Variants in CSF2RA observed in about 807,000 individuals in gnomAD.
CSF2RA encodes the protein colony stimulating factor 2 receptor subunit alpha, also known as granulocyte-macrophage colony-stimulating factor receptor subunit alpha.
CSF2RA carries 42 observed loss-of-function variants against 51.6 expected under a neutral mutation model. The ratio of observed to expected loss-of-function variants is 0.81; its 90% CI spans 0.64 to 1.05. CSF2RA has a LOEUF of 1.05. CSF2RA is among the 50% of genes least tolerant of loss of function. The probability of loss-of-function intolerance (pLI) is 0.00; values close to 1 mark genes in which losing one functional copy is unlikely to be tolerated. For missense variants in CSF2RA, 530 were observed against 501.1 expected (o/e 1.06, Z -0.55); for synonymous variants, 222 against 193.0 (o/e 1.15, Z -1.24).
the CSF2RA span, among the ~76,000 whole-genome samples, chrX:1,322,894 C>A: frequency 1.3e-5 from 2 of 151,458 alleles, no homozygotes; most frequent in African/African-American, 4.9e-5. Flanking sequence ...CTTTGGGAGG[C>A]CAAGACAGGC....
At chrX:1,304,813 C>T (rs1380907252) in intron 11 of CSF2RA, among the ~76,000 whole-genome samples, 1 of 150,642 alleles carries the variant, frequency 6.6e-6, no homozygotes, top group Non-Finnish European at 1.5e-5. Context: ...TACAGGCATG[C>T]ACCACGATGC....
At position 1,294,985 on chromosome X, in the gene CSF2RA, C is replaced by T. The variant is rs1454426640; in HGVS notation, c.781-442C>T. On this transcript the variant is annotated intron_variant, in intron 8 of 12. Coordinates refer to ENST00000381529, the MANE Select transcript of CSF2RA (RefSeq NM_172245.4). ...GAGAGAGACTGCCTCACGTCCACCTCGATCCAGTGTAGACAAGAGGAGATC... is the reference window on the plus strand; with the variant it reads ...GAGAGAGACTGCCTCACGTCCACCTTGATCCAGTGTAGACAAGAGGAGATC... Among the ~76,000 whole-genome samples, 18 of 33,372 alleles carry T rather than the reference C, an allele frequency of 5.4e-4. No individual in the cohort carries two copies. In the East Asian group the frequency reaches 8.5e-3, roughly 16 times the overall value. The allele number at this position is 33,372 out of a possible 152,430, so 21.9% of individuals were successfully genotyped here. A position where few individuals can be genotyped will look rare whatever the true frequency, so the allele number is the denominator to read the frequency against.
At chrX:1,303,820 T>C in intron 10 of CSF2RA, 103 bp from the exon 11 acceptor site, 1 of 1,012,742 alleles carries the variant, frequency 9.9e-7, no homozygotes, top group Non-Finnish European at 1.6e-6. Context: ...TCAGCTTGAC[T>C]GTTCCCTTTG....
chrX:1,300,548 G>A lies in CSF2RA; in HGVS notation c.868G>A (p.Ala290Thr), dbSNP rs746669534. The change falls in exon 10 of 13, where the codon GCA becomes ACA. Residue 290 changes from alanine to threonine, a missense_variant. By Grantham distance (58) the Ala-to-Thr change is moderately conservative (BLOSUM62 0). Transcript: ENST00000381529. The stretch of plus-strand genomic sequence containing the variant: ...CAACTTTCCAAGCTCTGAGCCCAGA[G>A]CAAAACACAGTGTGAAGATCAGAGC... ...RYNFPSSEPR[A>T]KHSVKIRAAD... 2.5e-6 allele frequency: 4 copies of A among 1,613,916 alleles called. No homozygotes were observed. The highest frequency in any genetic ancestry group is 3.4e-6 in the Non-Finnish European group (4 of 1,179,834).
At chrX:1,282,384 G>A (rs2090162188) in intron 2 of CSF2RA, 3 of 510,624 alleles carry the variant, frequency 5.9e-6, no homozygotes, top group African/African-American at 3.8e-5. Flanking sequence ...TGCCTTTAGT[G>A]TCAGCTATGG....
At chrX:1,293,246 A>G (rs1181518831) in intron 7 of CSF2RA, among the ~76,000 whole-genome samples, 2 of 151,796 alleles carry the variant, frequency 1.3e-5, no homozygotes, top group Non-Finnish European at 2.9e-5. Flanking sequence ...ACAGAGTCTC[A>G]CTCTGTCGCC....
At chrX:1,284,640 G>A (rs1387682179) in intron 3 of CSF2RA, among the ~76,000 whole-genome samples, 1 of 103,586 alleles carries the variant, frequency 9.7e-6, no homozygotes, top group African/African-American at 3.7e-5. Context: ...ATCTTGCTAT[G>A]TTGCCAAGAC....
chrX:1,293,272 G>A (rs1336589674), intron 7 of CSF2RA, among the ~76,000 whole-genome samples: 7 of 152,082 alleles, frequency 4.6e-5, no homozygotes, highest in Admixed American at 6.6e-5. Flanking sequence ...AGGCTGGAGG[G>A]CAGTGGCGGG....
rs755274406 is a variant in CSF2RA, at chrX:1,304,261, G to A, written c.1043+242G>A. Reference sequence around the variant, plus strand: ...GTCTCTACTAAAAAATTAGCCCGGCGTGGTCGCGGGCGCCTGTAGTCCCAG... The same window carrying A: ...GTCTCTACTAAAAAATTAGCCCGGCATGGTCGCGGGCGCCTGTAGTCCCAG... On this transcript the variant is annotated intron_variant, in intron 11 of 12. Coordinates refer to ENST00000381529, the MANE Select transcript of CSF2RA (RefSeq NM_172245.4). Among the ~76,000 whole-genome samples the A allele has an allele frequency of 9.2e-5, 6 of 65,044 alleles. 2 individuals carry two copies. Among genetic ancestry groups the A allele is most frequent in the African/African-American group, 2.5e-4 (3 of 12,142 alleles). The allele number at this position is 65,044 out of a possible 152,430, so 42.7% of individuals were successfully genotyped here. A position where few individuals can be genotyped will look rare whatever the true frequency, so the allele number is the denominator to read the frequency against.
the CSF2RA span, among the ~76,000 whole-genome samples, chrX:1,322,909 C>G: frequency 6.6e-6 from 1 of 150,924 alleles, no homozygotes; most frequent in Non-Finnish European, 1.5e-5. Flanking sequence ...ACAGGCAGAT[C>G]ACGAGGTCAG....
At chrX:1,300,679 A>C in intron 10 of CSF2RA, 53 bp downstream of exon 10, 1 of 1,613,122 alleles carries the variant, frequency 6.2e-7, no homozygotes, top group Non-Finnish European at 8.5e-7. Context: ...GCCACCCTGC[A>C]GCAGGCACAG....
At chrX:1,314,268 C>CACCT (rs1569514710), downstream of CSF2RA, among the ~76,000 whole-genome samples, 6 of 47,598 alleles carry the variant, frequency 1.3e-4, no homozygotes, top group African/African-American at 3.6e-4. Context: ...AACCCCACTG[C>CACCT]GCCTGCCCAA....
At chrX:1,270,225 T>C (rs2088195140) in intron 1 of CSF2RA, among the ~76,000 whole-genome samples, 1 of 130,310 alleles carries the variant, frequency 7.7e-6, no homozygotes, top group Non-Finnish European at 1.6e-5. Flanking sequence ...ATATTGTATA[T>C]ATACATATTA....
At position 1,303,963 on chromosome X, in the gene CSF2RA, G is replaced by C. The variant is rs141107206; in HGVS notation, c.987G>C (p.Val329=). 509 of 1,613,286 alleles carry C rather than the reference G, an allele frequency of 3.2e-4. No individual in the cohort carries two copies. Among genetic ancestry groups the C allele is most frequent in the Middle Eastern group, 9.9e-4 (6 of 6,074 alleles). The change falls in exon 11 of 13, where the codon GTG becomes GTC. Residue 329 remains valine (V), a synonymous_variant. Coordinates refer to ENST00000381529, the MANE Select transcript of CSF2RA (RefSeq NM_172245.4). ...ACCTCGGCTCTGTGTACATTTATGT[G>C]CTCCTAATCGTGGGAACCCTTGTCT... The part of the protein sequence containing the change: ...DGNLGSVYIY[V]LLIVGTLVCG...
intron 4 of CSF2RA, among the ~76,000 whole-genome samples, chrX:1,286,535 C>T: frequency 6.6e-6 from 1 of 151,328 alleles, no homozygotes; most frequent in Middle Eastern, 3.4e-3. Context: ...TGCCATTGCA[C>T]TCCAGCCTGG....
Position 1,285,884 on chromosome X carries a change from C to G in CSF2RA, c.183C>G (p.Phe61Leu). The change falls in exon 4 of 13, where the codon TTC (phenylalanine) becomes TTG (leucine). Residue 61 changes from phenylalanine (F) to leucine (L), a missense_variant. By Grantham distance (22) the Phe-to-Leu change is conservative. Transcript: ENST00000381529. ...AAAACACAACCTTCAGCAAGTGTTT[C>G]TTAACTGACAAGAAGAACAGAGTCG... ...CQENTTFSKC[F>L]LTDKKNRVVE... 6.2e-7 allele frequency: 1 copy of G among 1,613,904 alleles called. No homozygotes were observed. The highest frequency in any genetic ancestry group is 8.5e-7 in the Non-Finnish European group (1 of 1,179,866).
At chrX:1,306,055 C>A (rs2083534951) in intron 12 of CSF2RA, 6 of 430,196 alleles carry the variant, frequency 1.4e-5, no homozygotes, top group Non-Finnish European at 2.2e-5. Context: ...GCACTCCAGC[C>A]TGGGTGACAG....
chrX:1,290,235 G>GTGTTTTTGTGTTTT, intron 6 of CSF2RA, 102 bp from the exon 7 acceptor site: 1 of 912,346 alleles, frequency 1.1e-6, no homozygotes, highest in South Asian at 1.6e-5. Flanking sequence ...TTTGTGTTTT[G>GTGTTTTTGTGTTTT]TGTTTTTGTG....
chrX:1,313,976 G>A (rs747640914), downstream of CSF2RA, among the ~76,000 whole-genome samples: 19 of 152,100 alleles, frequency 1.2e-4, no homozygotes, highest in African/African-American at 4.6e-4. Flanking sequence ...GGGTGACAGG[G>A]CGAGATTCTG....
Sources: allele counts gnomAD v4.1 joint callset (sites outside exome capture counted in the v4.1 genomes callset), GRCh38; gene constraint gnomAD v4.1.1; transcripts MANE v1.5; gene names NCBI Gene and HGNC (gene_info 2026-07-23, HGNC 2026-07-21).